MFHAS1: variants seen among roughly 807,000 people sequenced by gnomAD.
The protein encoded by MFHAS1 is malignant fibrous histiocytoma-amplified sequence 1.
MFHAS1 carries 50 observed loss-of-function variants against 70.4 expected under a neutral mutation model. The observed-to-expected ratio is 0.71, with a 90% CI of 0.57 to 0.90. The LOEUF is 0.90. Among genes scored for constraint, MFHAS1 ranks in the 40% least tolerant of loss-of-function variants. The pLI is 0.00. For missense variants in MFHAS1, 1,795 were observed against 1,347.6 expected (o/e 1.33, Z -5.20); for synonymous variants, 952 against 620.0 (o/e 1.54, Z -7.96).
intron 1 of MFHAS1, 124 bp from the exon 2 acceptor site, chr8:8,797,615 T>A: frequency 1.8e-6 from 2 of 1,112,842 alleles, no homozygotes; most frequent in Non-Finnish European, 2.5e-6. Context: ...CAACGAAGGA[T>A]GTGAGAACAA....
chr8:8,810,662 T>TA (rs1452205126), intron 1 of MFHAS1, among the ~76,000 whole-genome samples: 2 of 152,198 alleles, frequency 1.3e-5, no homozygotes, highest in Non-Finnish European at 2.9e-5. Flanking sequence ...ACATAAAACA[T>TA]ACGAAATACA....
At chr8:8,789,142 G>C (rs966254680) in intron 2 of MFHAS1, among the ~76,000 whole-genome samples, 1 of 151,944 alleles carries the variant, frequency 6.6e-6, no homozygotes, top group African/African-American at 2.4e-5. Flanking sequence ...TGGCTGGGGG[G>C]GTTGGGCCCT....
At chr8:8,868,727 G>A (rs747733638) in intron 1 of MFHAS1, among the ~76,000 whole-genome samples, 26 of 152,188 alleles carry the variant, frequency 1.7e-4, no homozygotes, top group Middle Eastern at 3.4e-3. Context: ...TCATAAAGTC[G>A]GTAGTAACCT....
chr8:8,786,138 G>C, intron 2 of MFHAS1, 83 bp from the exon 3 acceptor site: 1 of 1,260,706 alleles, frequency 7.9e-7, no homozygotes, highest in Non-Finnish European at 1.2e-6. Flanking sequence ...AGGAAGTGAT[G>C]ATAGAAATCT....
chr8:8,818,413 A>C (rs1806824637), intron 1 of MFHAS1, among the ~76,000 whole-genome samples: 1 of 152,192 alleles, frequency 6.6e-6, no homozygotes, highest in Non-Finnish European at 1.5e-5. Flanking sequence ...AGAGCTACAG[A>C]GATTTCTATT....
intron 1 of MFHAS1, among the ~76,000 whole-genome samples, chr8:8,832,174 G>C (rs1196119078): frequency 6.7e-6 from 1 of 148,518 alleles, no homozygotes; most frequent in Non-Finnish European, 1.5e-5. Flanking sequence ...TCTTAACCTT[G>C]AGAGGGACAG....
rs576171835 is a variant in MFHAS1, at chr8:8,807,206, G to C, written c.2999-9715C>G. The stretch of plus-strand genomic sequence containing the variant: ...TCCTGGAACGTCCTTATCTGACCAA[G>C]AGCGCTCACCAAAAGAAACATAAAT... On this transcript the variant is annotated intron_variant, in intron 1 of 2. Transcript: ENST00000276282. Among the ~76,000 whole-genome samples, 539 of 152,110 alleles carry C rather than the reference G, an allele frequency of 3.5e-3. 3 individuals carry two copies. Among genetic ancestry groups the C allele is most frequent in the African/African-American group, 0.012 (517 of 41,480 alleles).
chr8:8,879,324 C>G (rs1809418204), intron 1 of MFHAS1, among the ~76,000 whole-genome samples: 2 of 152,028 alleles, frequency 1.3e-5, no homozygotes, highest in Admixed American at 6.6e-5. Context: ...GCACTCAAGC[C>G]TGGGTGGCAG....
intron 2 of MFHAS1, among the ~76,000 whole-genome samples, chr8:8,791,397 G>C (rs1805714963): frequency 6.6e-6 from 1 of 152,168 alleles, no homozygotes; most frequent in Non-Finnish European, 1.5e-5. Context: ...TTCATATGAT[G>C]ACCTGTTGAA....
intron 1 of MFHAS1, among the ~76,000 whole-genome samples, chr8:8,870,970 G>C (rs1049849309): frequency 6.6e-6 from 1 of 152,084 alleles, no homozygotes; most frequent in Non-Finnish European, 1.5e-5. Context: ...GCCCAGGCTG[G>C]AGTGCAATGG....
chr8:8,881,391 C>T (rs187615161), intron 1 of MFHAS1, among the ~76,000 whole-genome samples: 16 of 152,348 alleles, frequency 1.1e-4, no homozygotes, highest in South Asian at 4.1e-4. Flanking sequence ...CTCTGCATTA[C>T]GCCAGCCACC....
chr8:8,874,142 C>T (rs1057117337), intron 1 of MFHAS1, among the ~76,000 whole-genome samples: 12 of 151,994 alleles, frequency 7.9e-5, no homozygotes, highest in Admixed American at 5.9e-4. Context: ...AAGAGTGTTC[C>T]GAGCACAGAG....
intron 1 of MFHAS1, among the ~76,000 whole-genome samples, chr8:8,820,557 TA>T (rs1333423806): frequency 6.6e-6 from 1 of 152,200 alleles, no homozygotes; most frequent in Non-Finnish European, 1.5e-5. Context: ...CAATTTTACG[TA>T]AGTAGACTAA....
chr8:8,836,315 G>C (rs145184114), intron 1 of MFHAS1, among the ~76,000 whole-genome samples: 2 of 152,264 alleles, frequency 1.3e-5, no homozygotes, highest in African/African-American at 4.8e-5. Context: ...GCTTCTGTGA[G>C]TTGTAATTAT....
chr8:8,830,217 G>C (rs1339057955), intron 1 of MFHAS1, among the ~76,000 whole-genome samples: 2 of 152,116 alleles, frequency 1.3e-5, no homozygotes, highest in African/African-American at 2.4e-5. Context: ...TCTGTGTCAG[G>C]AAACACCAAG....
chr8:8,827,885 A>G (rs1489219130), intron 1 of MFHAS1, among the ~76,000 whole-genome samples: 1 of 152,116 alleles, frequency 6.6e-6, no homozygotes, highest in Non-Finnish European at 1.5e-5. Flanking sequence ...TTAAGTCTAA[A>G]TCTTTCAGAC....
intron 1 of MFHAS1, among the ~76,000 whole-genome samples, chr8:8,826,888 T>C (rs1807185022): frequency 6.6e-6 from 1 of 152,164 alleles, no homozygotes; most frequent in Non-Finnish European, 1.5e-5. Flanking sequence ...ACCCACATAA[T>C]TAGTACCGCA....
At chr8:8,834,320 G>A (rs918370543) in intron 1 of MFHAS1, among the ~76,000 whole-genome samples, 1 of 152,136 alleles carries the variant, frequency 6.6e-6, no homozygotes, top group Non-Finnish European at 1.5e-5. Flanking sequence ...TTGCCTAAGT[G>A]TTCCATGTTT....
chr8:8,801,245 C>G (rs1222051047), intron 1 of MFHAS1, among the ~76,000 whole-genome samples: 1 of 151,992 alleles, frequency 6.6e-6, no homozygotes, highest in Non-Finnish European at 1.5e-5. Flanking sequence ...AAAGAATGTA[C>G]AGCAGACTAT....
Sources: gnomAD v4.1 joint callset for allele counts (sites outside exome capture counted in the v4.1 genomes callset) on GRCh38, gnomAD v4.1.1 for gene constraint, MANE v1.5 for transcripts, NCBI Gene and HGNC (gene_info 2026-07-23, HGNC 2026-07-21) for gene names.